The following RAD51B variants were observed in gnomAD, a reference collection of about 807,000 sequenced individuals.
RAD51B encodes DNA repair protein RAD51 homolog 2.
In RAD51B, 38 loss-of-function variants were observed where a neutral mutation model predicts 42.2. The ratio of observed to expected loss-of-function variants is 0.90; its 90% CI spans 0.70 to 1.18. The LOEUF (loss-of-function observed/expected upper bound fraction) is 1.18, where lower values mean the gene tolerates loss of function less well. RAD51B is among the 50% of genes most tolerant of loss of function. RAD51B has a pLI of 0.00. For missense variants in RAD51B, 373 were observed against 400.7 expected, an observed-to-expected ratio of 0.93 and a Z score of 0.59; for synonymous variants, 154 against 145.2, an observed-to-expected ratio of 1.06 and a Z score of -0.43.
chr14:68,237,719 T>G (rs2080289869), intron 7 of RAD51B, among the ~76,000 whole-genome samples: 1 of 149,402 alleles, frequency 6.7e-6, no homozygotes, highest in South Asian at 2.1e-4. Context: ...CATGGACATG[T>G]GTTTTCATTT....
intron 10 of RAD51B, among the ~76,000 whole-genome samples, chr14:68,485,785 C>T (rs889707059): frequency 2.6e-5 from 4 of 152,204 alleles, no homozygotes; most frequent in African/African-American, 4.8e-5. Flanking sequence ...GTGAAGGACT[C>T]GGTTTGGATC....
intron 7 of RAD51B, among the ~76,000 whole-genome samples, chr14:68,242,279 G>C (rs1248810293): frequency 6.6e-6 from 1 of 152,166 alleles, no homozygotes; most frequent in East Asian, 1.9e-4. Context: ...CTCCGTAGCT[G>C]TCCTACCCAG....
chr14:68,125,339 A>G (rs1303435301), intron 7 of RAD51B: 1 of 152,252 alleles, frequency 6.6e-6, no homozygotes, highest in African/African-American at 2.4e-5. Context: ...CATTGTTGCC[A>G]GATGACTGGA....
chr14:68,652,120 T>C (rs1892713603), intron 11 of RAD51B, among the ~76,000 whole-genome samples: 1 of 151,764 alleles, frequency 6.6e-6, no homozygotes, highest in Non-Finnish European at 1.5e-5. Flanking sequence ...GCTGTTCCTT[T>C]CTTATAATTC....
chr14:68,200,419 A>G (rs942909034), intron 7 of RAD51B, among the ~76,000 whole-genome samples: 24 of 152,248 alleles, frequency 1.6e-4, no homozygotes, highest in African/African-American at 5.8e-4. Flanking sequence ...ATTACCCACT[A>G]AAACTTCATT....
chr14:68,370,982 A>G (rs1436682565), intron 8 of RAD51B, among the ~76,000 whole-genome samples: 2 of 143,392 alleles, frequency 1.4e-5, no homozygotes, highest in African/African-American at 5.3e-5. Flanking sequence ...GGCTGCAGTG[A>G]GCCAAGACTG....
chr14:67,835,880 A>G (rs995972398), intron 4 of RAD51B, among the ~76,000 whole-genome samples: 2 of 152,080 alleles, frequency 1.3e-5, no homozygotes, highest in Non-Finnish European at 2.9e-5. Context: ...GGTAAATATT[A>G]TGAAATAATA....
At chr14:68,633,870 G>C (rs1892288691) in intron 10 of RAD51B, among the ~76,000 whole-genome samples, 1 of 152,222 alleles carries the variant, frequency 6.6e-6, no homozygotes, top group Non-Finnish European at 1.5e-5. Flanking sequence ...GATTGTTCCA[G>C]CAAGTGAGGT....
chr14:68,023,611 G>T (rs2075904129), intron 7 of RAD51B, among the ~76,000 whole-genome samples: 1 of 152,158 alleles, frequency 6.6e-6, no homozygotes, highest in South Asian at 2.1e-4. Context: ...ACTGGTGTGA[G>T]GCACCGCACC....
intron 5 of RAD51B, among the ~76,000 whole-genome samples, chr14:67,873,917 A>C (rs1242065914): frequency 1.5e-5 from 2 of 136,126 alleles, no homozygotes; most frequent in African/African-American, 5.5e-5. Flanking sequence ...GAAGGGGAAC[A>C]TCACACTCTG....
chr14:68,650,887 C>T, intron 11 of RAD51B: 2 of 730,788 alleles, frequency 2.7e-6, no homozygotes, highest in Non-Finnish European at 2.5e-6. Flanking sequence ...TCCCTCACAA[C>T]AGGGAAAAGT....
intron 7 of RAD51B, among the ~76,000 whole-genome samples, chr14:68,093,990 C>G (rs974999432): frequency 7.2e-5 from 11 of 152,204 alleles, no homozygotes; most frequent in Admixed American, 1.3e-4. Flanking sequence ...TCCTGCTGCC[C>G]TACTTCTTTG....
rs567238894 is a variant in RAD51B at position 68,100,292 on chromosome 14, A to T, written c.757-191592A>T. 5.3e-5 allele frequency among the ~76,000 whole-genome samples: 8 copies of T among 152,348 alleles called. No homozygotes were observed. The South Asian group carries it at 6.2e-4, about 12-fold the overall frequency. On this transcript the variant is annotated intron_variant, in intron 7 of 10. Transcript: ENST00000471583. ...TTGGATACTCATGTGCCTGTGGAACATGCAAAAACTCTGGCCTGTTGCACA... is the reference window on the plus strand; with the variant it reads ...TTGGATACTCATGTGCCTGTGGAACTTGCAAAAACTCTGGCCTGTTGCACA...
At chr14:68,058,040 G>T (rs2076506171) in intron 7 of RAD51B, among the ~76,000 whole-genome samples, 1 of 151,772 alleles carries the variant, frequency 6.6e-6, no homozygotes, top group Non-Finnish European at 1.5e-5. Flanking sequence ...CTAATTTTGT[G>T]CCAAGGAAAA....
intron 9 of RAD51B, among the ~76,000 whole-genome samples, chr14:68,420,654 C>CCAGAGAT (rs1434135416): frequency 2.0e-5 from 3 of 152,174 alleles, no homozygotes; most frequent in Admixed American, 6.5e-5. Flanking sequence ...AGTGAGGACA[C>CCAGAGAT]CAGAGATCAT....
At chr14:68,216,208 A>C (rs911555671) in intron 7 of RAD51B, among the ~76,000 whole-genome samples, 1 of 152,234 alleles carries the variant, frequency 6.6e-6, no homozygotes, top group East Asian at 1.9e-4. Flanking sequence ...CTCTTCCTAA[A>C]AGAGGGACTT....
At chr14:68,354,215 G>GTTTTTTTTTT (rs1566828163) in intron 8 of RAD51B, among the ~76,000 whole-genome samples, 4 of 103,408 alleles carry the variant, frequency 3.9e-5, no homozygotes, top group Admixed American at 1.2e-4. Flanking sequence ...TTGGTTTTTT[G>GTTTTTTTTTT]GTTTTTTTTT....
intron 10 of RAD51B, among the ~76,000 whole-genome samples, chr14:68,628,930 T>C (rs906000015): frequency 6.6e-6 from 1 of 152,156 alleles, no homozygotes. Flanking sequence ...ATTTAGAAAG[T>C]ACCTATCACT....
At chr14:68,176,450 A>G (rs1377143790) in intron 7 of RAD51B, among the ~76,000 whole-genome samples, 1 of 152,180 alleles carries the variant, frequency 6.6e-6, no homozygotes, top group Non-Finnish European at 1.5e-5. Context: ...TCTAGTGCTG[A>G]AATAGTGGAT....
Sources: allele counts gnomAD v4.1 joint callset (sites outside exome capture counted in the v4.1 genomes callset), GRCh38; gene constraint gnomAD v4.1.1; transcripts MANE v1.5; gene names NCBI Gene and HGNC (gene_info 2026-07-23, HGNC 2026-07-21).